SRPK2: variants seen among roughly 807,000 people sequenced by gnomAD.
SRPK2 encodes the protein SFRS protein kinase 2.
SRPK2 carries 21 observed loss-of-function variants against 90.8 expected under a neutral mutation model. The ratio of observed to expected loss-of-function variants is 0.23; its 90% CI spans 0.16 to 0.33. The LOEUF is 0.33. Ranked by LOEUF, SRPK2 falls within the 10% of genes least tolerant of loss-of-function variation. SRPK2 has a pLI of 1.00. For synonymous variants in SRPK2, 288 were observed against 311.1 expected, an observed-to-expected ratio of 0.93 and a Z score of 0.78; for missense variants, 620 against 869.0, an observed-to-expected ratio of 0.71 and a Z score of 3.60.
intron 2 of SRPK2, among the ~76,000 whole-genome samples, chr7:105,334,500 C>T (rs1047566252): frequency 1.3e-5 from 2 of 151,472 alleles, no homozygotes; most frequent in Admixed American, 6.6e-5. Context: ...GGATTACAGG[C>T]ATGAGCCACT....
At chr7:105,295,479 T>G (rs560902782) in intron 2 of SRPK2, among the ~76,000 whole-genome samples, 2 of 152,150 alleles carry the variant, frequency 1.3e-5, no homozygotes, top group Non-Finnish European at 2.9e-5. Flanking sequence ...AGGAATGAAG[T>G]ATGACACATG....
At chr7:105,278,392 G>A (rs748689989) in intron 2 of SRPK2, among the ~76,000 whole-genome samples, 1 of 151,464 alleles carries the variant, frequency 6.6e-6, no homozygotes, top group Admixed American at 6.6e-5. Flanking sequence ...GCAAAAATGA[G>A]GCTGGGCGCA....
At chr7:105,120,273 C>T (rs1229043341) in intron 15 of SRPK2, among the ~76,000 whole-genome samples, 1 of 152,160 alleles carries the variant, frequency 6.6e-6, no homozygotes, top group Non-Finnish European at 1.5e-5. Flanking sequence ...CAGAGAAGCA[C>T]TGTGTGCTGA....
At chr7:105,343,760 T>C (rs1406475410) in intron 2 of SRPK2, among the ~76,000 whole-genome samples, 2 of 151,782 alleles carry the variant, frequency 1.3e-5, no homozygotes, top group Non-Finnish European at 2.9e-5. Flanking sequence ...GTCATATCTT[T>C]TTTATTTTTT....
chr7:105,199,559 T>C (rs1457508274), intron 3 of SRPK2, among the ~76,000 whole-genome samples: 1 of 152,000 alleles, frequency 6.6e-6, no homozygotes, highest in African/African-American at 2.4e-5. Flanking sequence ...GGGAGAGACA[T>C]AGTGATGGTG....
chr7:105,337,457 G>T (rs1345001280), intron 2 of SRPK2, among the ~76,000 whole-genome samples: 1 of 151,918 alleles, frequency 6.6e-6, no homozygotes, highest in Non-Finnish European at 1.5e-5. Flanking sequence ...CAGCATTACA[G>T]GCGCCTGCCA....
At chr7:105,174,864 C>G (rs1332184980) in intron 3 of SRPK2, among the ~76,000 whole-genome samples, 1 of 152,156 alleles carries the variant, frequency 6.6e-6, no homozygotes, top group African/African-American at 2.4e-5. Context: ...GAGGATTCGG[C>G]TGGGCATGGT....
chr7:105,164,432 C>T (rs1808204792), intron 6 of SRPK2, among the ~76,000 whole-genome samples: 1 of 152,092 alleles, frequency 6.6e-6, no homozygotes, highest in Non-Finnish European at 1.5e-5. Flanking sequence ...CCTTATTATC[C>T]TTATTTGGCT....
At chr7:105,327,353 C>T (rs371402205) in intron 2 of SRPK2, among the ~76,000 whole-genome samples, 1 of 152,332 alleles carries the variant, frequency 6.6e-6, no homozygotes, top group African/African-American at 2.4e-5. Flanking sequence ...TCCATGGCTG[C>T]TTCCACACTA....
rs760007992 is a variant in SRPK2, at chr7:105,205,513, TCTCTCACACACACA to T, written c.72-1742_72-1729del. Among the ~76,000 whole-genome samples, 400 of 61,158 alleles carry T rather than the reference TCTCTCACACACACA, an allele frequency of 6.5e-3. 1 individual carries two copies. The highest frequency in any genetic ancestry group is 7.7e-3 in the African/African-American group (96 of 12,510). The allele number at this position is 61,158 out of a possible 152,430, so 40.1% of individuals were successfully genotyped here. On this transcript the variant is annotated intron_variant, in intron 2 of 15. Transcript: ENST00000393651. ...AATATTCATTCTCTCTCTCTCTCTC[TCTCTCACACACACA>T]CACACACACACACACACACACACAC...
intron 2 of SRPK2, among the ~76,000 whole-genome samples, chr7:105,251,461 C>T (rs1365933567): frequency 2.0e-5 from 3 of 152,162 alleles, no homozygotes; most frequent in South Asian, 2.1e-4. Context: ...GCCTTGGCCT[C>T]CCAAAGTGCT....
At chr7:105,370,758 G>T (rs1260198486) in intron 2 of SRPK2, among the ~76,000 whole-genome samples, 1 of 151,484 alleles carries the variant, frequency 6.6e-6, no homozygotes, top group Non-Finnish European at 1.5e-5. Flanking sequence ...TGGGACTATA[G>T]GCGTGCACCA....
intron 2 of SRPK2, among the ~76,000 whole-genome samples, chr7:105,232,977 G>A (rs1356343866): frequency 6.6e-6 from 1 of 151,738 alleles, no homozygotes; most frequent in East Asian, 1.9e-4. Context: ...CTGAGATAAC[G>A]CCACTGCACT....
intron 2 of SRPK2, among the ~76,000 whole-genome samples, chr7:105,256,916 G>GT (rs1162883864): frequency 1.3e-5 from 2 of 152,188 alleles, no homozygotes; most frequent in African/African-American, 4.8e-5. Context: ...ATCTTTTAAA[G>GT]TAAGTTTCCC....
chr7:105,206,903 T>C lies in SRPK2; in HGVS notation c.72-3118A>G, dbSNP rs77348148. Among the ~76,000 whole-genome samples, 472 of 152,358 alleles carry C rather than the reference T, an allele frequency of 3.1e-3. 14 individuals are homozygous for C. The East Asian group carries it at 0.063, about 20-fold the overall frequency. Reference sequence around the variant, plus strand: ...TTTCAGCCTCACGTTGAGAGATTCCTGGCCATAAGTGATGATTATCTTTCC... The same window carrying C: ...TTTCAGCCTCACGTTGAGAGATTCCCGGCCATAAGTGATGATTATCTTTCC... On this transcript the variant is annotated intron_variant, in intron 2 of 15. Coordinates refer to ENST00000393651, the MANE Select transcript of SRPK2 (RefSeq NM_182692.3).
chr7:105,124,654 A>AAAAAAAAAAAAAAAAAAAC (rs1233112143), intron 15 of SRPK2, among the ~76,000 whole-genome samples: 1 of 150,818 alleles, frequency 6.6e-6, no homozygotes. Context: ...AAAAAAAAAA[A>AAAAAAAAAAAAAAAAAAAC]AAAAATCAAT....
At chr7:105,347,534 G>A (rs571917273) in intron 2 of SRPK2, among the ~76,000 whole-genome samples, 2 of 151,974 alleles carry the variant, frequency 1.3e-5, no homozygotes, top group African/African-American at 2.4e-5. Context: ...ATATTCAGCC[G>A]AAGAATGAGG....
intron 2 of SRPK2, among the ~76,000 whole-genome samples, chr7:105,293,719 C>G (rs984098428): frequency 1.4e-4 from 21 of 152,130 alleles, no homozygotes; most frequent in African/African-American, 4.8e-4. Flanking sequence ...CATGCCTGGC[C>G]TCATTTCCAT....
At chr7:105,227,058 T>C (rs1387184957) in intron 2 of SRPK2, among the ~76,000 whole-genome samples, 3 of 152,192 alleles carry the variant, frequency 2.0e-5, no homozygotes, top group Non-Finnish European at 4.4e-5. Flanking sequence ...ACTGGAAACA[T>C]TTTAGCAGAG....
Sources: gnomAD v4.1 joint callset for allele counts (sites outside exome capture counted in the v4.1 genomes callset) on GRCh38, gnomAD v4.1.1 for gene constraint, MANE v1.5 for transcripts, NCBI Gene and HGNC (gene_info 2026-07-23, HGNC 2026-07-21) for gene names.